COL8A1: variants seen among roughly 807,000 people sequenced by gnomAD.
The protein encoded by COL8A1 is collagen type VIII alpha 1 chain, also known as collagen alpha-1(VIII) chain.
Under a neutral mutation model 42.7 loss-of-function variants are expected in COL8A1, and 21 were observed. That is an observed-to-expected ratio of 0.49 (90% confidence interval 0.35 to 0.71). The LOEUF (loss-of-function observed/expected upper bound fraction) is 0.71, where lower values mean the gene tolerates loss of function less well. Ranked by LOEUF, COL8A1 falls within the 30% of genes least tolerant of loss-of-function variation. COL8A1 has a pLI of 0.01. For missense variants in COL8A1, 788 were observed against 962.4 expected (o/e 0.82, Z 2.40); for synonymous variants, 367 against 369.1 (o/e 0.99, Z 0.06).
intron 1 of COL8A1, among the ~76,000 whole-genome samples, chr3:99,735,050 G>C (rs1392762441): frequency 6.6e-6 from 1 of 151,318 alleles, no homozygotes; most frequent in African/African-American, 2.4e-5. Context: ...GAGATTTTGG[G>C]CTGAGATAAT....
At chr3:99,726,635 T>G (rs1019413089) in intron 1 of COL8A1, among the ~76,000 whole-genome samples, 49 of 152,218 alleles carry the variant, frequency 3.2e-4, no homozygotes, top group South Asian at 1.2e-3. Flanking sequence ...CCTATGGCTA[T>G]CCAGTTTTCC....
At chr3:99,696,521 G>A (rs571990498) in intron 1 of COL8A1, among the ~76,000 whole-genome samples, 165 of 152,170 alleles carry the variant, frequency 1.1e-3, no homozygotes, top group African/African-American at 3.9e-3. Context: ...GGCCAAGGAG[G>A]GAAACCAAAG....
At chr3:99,685,293 A>G (rs1332249998) in intron 1 of COL8A1, 5 of 152,182 alleles carry the variant, frequency 3.3e-5, no homozygotes, top group Non-Finnish European at 7.4e-5. Flanking sequence ...AAATCTTAAT[A>G]TCTTCCAAAT....
In COL8A1 at chr3:99,710,081, T is replaced by C. The variant is rs190813924; in HGVS notation, c.-128-34816T>C. On this transcript the variant is annotated intron_variant, in intron 1 of 3. Transcript: ENST00000652472. ...TTAACTCTGCATTTCATCAAGAGTATGCATGCATGTATGTGTGCATGTGCA... is the reference window on the plus strand; with the variant it reads ...TTAACTCTGCATTTCATCAAGAGTACGCATGCATGTATGTGTGCATGTGCA... Among the ~76,000 whole-genome samples the C allele has an allele frequency of 1.5e-4, 23 of 152,338 alleles. No individual in the cohort carries two copies. In the East Asian group the frequency reaches 3.7e-3, roughly 24 times the overall value.
rs770330907 is a variant in COL8A1 at position 99,795,660 on chromosome 3, G to A, written c.1759G>A (p.Asp587Asn). The change falls in exon 4 of 4, where the codon GAT (aspartate) becomes AAT (asparagine). Residue 587 changes from aspartate (D) to asparagine (N), a missense_variant. Coordinates refer to ENST00000652472, the MANE Select transcript of COL8A1 (RefSeq NM_020351.4). The stretch of plus-strand genomic sequence containing the variant: ...ACCACCCCAGGGAGAGTATCTGCCA[G>A]ATATGGGGCTGGGAATTGATGGCGT... Reference protein sequence around the residue: ...TPPPQGEYLPDMGLGIDGVKP... With the variant: ...TPPPQGEYLPNMGLGIDGVKP... The A allele has an allele frequency of 3.1e-6, 5 of 1,614,042 alleles. No homozygotes were observed. In the South Asian group the frequency reaches 5.5e-5, roughly 18 times the overall value.
intron 1 of COL8A1, among the ~76,000 whole-genome samples, chr3:99,711,669 T>C (rs1004534149): frequency 2.0e-5 from 3 of 152,186 alleles, no homozygotes; most frequent in South Asian, 2.1e-4. Context: ...CCTCAGACCA[T>C]TGACAAACAG....
chr3:99,740,700 C>T (rs1940875257), intron 1 of COL8A1, among the ~76,000 whole-genome samples: 1 of 152,110 alleles, frequency 6.6e-6, no homozygotes, highest in African/African-American at 2.4e-5. Flanking sequence ...GAGGACACAG[C>T]CAAACCATAT....
intron 1 of COL8A1, among the ~76,000 whole-genome samples, chr3:99,708,961 C>T (rs951267172): frequency 6.6e-6 from 1 of 152,022 alleles, no homozygotes; most frequent in African/African-American, 2.4e-5. Context: ...ATGTTACCTT[C>T]CTTAGACTAA....
intron 1 of COL8A1, among the ~76,000 whole-genome samples, chr3:99,716,210 T>C (rs1222807008): frequency 1.3e-5 from 2 of 152,046 alleles, no homozygotes; most frequent in East Asian, 3.9e-4. Flanking sequence ...GTCATTTTAG[T>C]AGAATTATTT....
At chr3:99,772,627 T>C (rs911472348) in intron 2 of COL8A1, among the ~76,000 whole-genome samples, 6 of 152,002 alleles carry the variant, frequency 3.9e-5, no homozygotes, top group Admixed American at 1.3e-4. Context: ...AAACATAAAG[T>C]CAGTTTTTAG....
rs79984855 is a variant in COL8A1, at chr3:99,742,386, C to T, written c.-128-2511C>T. 6.4e-3 allele frequency among the ~76,000 whole-genome samples: 971 copies of T among 152,324 alleles called. 6 individuals carry two copies. The highest frequency in any genetic ancestry group is 0.018 in the African/African-American group (769 of 41,576). On this transcript the variant is annotated intron_variant, in intron 1 of 3. Coordinates refer to ENST00000652472, the MANE Select transcript of COL8A1 (RefSeq NM_020351.4). Reference sequence around the variant, plus strand: ...AAATTAACTGAAATACAATGAGTTACACATTGCCTGTGTAGCTAATGGTTC... The same window carrying T: ...AAATTAACTGAAATACAATGAGTTATACATTGCCTGTGTAGCTAATGGTTC...
chr3:99,758,180 C>A (rs903683059), intron 2 of COL8A1, among the ~76,000 whole-genome samples: 1 of 152,114 alleles, frequency 6.6e-6, no homozygotes, highest in African/African-American at 2.4e-5. Flanking sequence ...TTAGGCTAAT[C>A]GGCTTACAAG....
At chr3:99,716,853 C>T (rs183271167) in intron 1 of COL8A1, among the ~76,000 whole-genome samples, 19 of 152,096 alleles carry the variant, frequency 1.2e-4, no homozygotes, top group African/African-American at 4.3e-4. Context: ...TGTTCAGTCC[C>T]GTTTAAATTC....
At chr3:99,763,349 G>T (rs994097370) in intron 2 of COL8A1, among the ~76,000 whole-genome samples, 6 of 152,082 alleles carry the variant, frequency 3.9e-5, no homozygotes, top group African/African-American at 1.4e-4. Flanking sequence ...GAGATGAGAG[G>T]GAAGGATGGG....
chr3:99,790,581 G>T, intron 2 of COL8A1, 99 bp from the exon 3 acceptor site: 2 of 902,510 alleles, frequency 2.2e-6, no homozygotes, highest in Non-Finnish European at 3.4e-6. Context: ...TGATGTTAAA[G>T]ACTGTTTCCC....
At chr3:99,765,397 T>C (rs1373700818) in intron 2 of COL8A1, among the ~76,000 whole-genome samples, 2 of 152,164 alleles carry the variant, frequency 1.3e-5, no homozygotes, top group African/African-American at 4.8e-5. Flanking sequence ...GGGAATACAA[T>C]GAGAATCCAC....
chr3:99,676,929 A>G (rs1380159347), intron 1 of COL8A1, among the ~76,000 whole-genome samples: 1 of 152,062 alleles, frequency 6.6e-6, no homozygotes, highest in African/African-American at 2.4e-5. Context: ...TTAAAACATC[A>G]ATTTTATGCT....
rs780100524 is a variant in COL8A1, at chr3:99,795,496, T to C, written c.1595T>C (p.Ile532Thr). Residue 532 changes from isoleucine to threonine, a missense_variant, in exon 4 of 4, where the codon ATA (isoleucine) becomes ACA (threonine). Around this residue, in one of 4 missense-constraint regions of COL8A1, gnomAD observed 154 missense variants for 182.3 expected, o/e 0.84. Transcript: ENST00000652472. ...CCAGGGCCCCCTGGGTTCCCTGGTA[T>C]AGGGAAACCCGGAGTGGCAGGACTT... ...GLPGPPGFPG[I>T]GKPGVAGLHG... is the part of the protein sequence containing the mutation. The C allele has an allele frequency of 3.6e-5, 57 of 1,577,954 alleles. No homozygotes were observed. Among genetic ancestry groups the C allele is most frequent in the Non-Finnish European group, 4.2e-5 (49 of 1,161,666 alleles).
chr3:99,758,216 C>T (rs1055450024), intron 2 of COL8A1, among the ~76,000 whole-genome samples: 1 of 152,114 alleles, frequency 6.6e-6, no homozygotes, highest in African/African-American at 2.4e-5. Flanking sequence ...GATTCAAGAA[C>T]TTTTGGCAAA....
Sources: allele counts gnomAD v4.1 joint callset (sites outside exome capture counted in the v4.1 genomes callset), GRCh38; gene constraint gnomAD v4.1.1; regional missense constraint gnomAD v4.1.1; transcripts MANE v1.5; gene names NCBI Gene and HGNC (gene_info 2026-07-23, HGNC 2026-07-21).